Variants in FBXW11 observed in about 807,000 individuals in gnomAD.
The protein encoded by FBXW11 is F-box and WD repeat domain containing 11, also known as F-box/WD repeat-containing protein 11.
Under a neutral mutation model 77.6 loss-of-function variants are expected in FBXW11, and 19 were observed. That is an observed-to-expected ratio of 0.24 (90% CI 0.17 to 0.36). The LOEUF (loss-of-function observed/expected upper bound fraction) is 0.36, where lower values mean the gene tolerates loss of function less well. Ranked by LOEUF, FBXW11 falls within the 10% of genes least tolerant of loss-of-function variation. The pLI is 1.00. For synonymous variants in FBXW11, 235 were observed against 249.4 expected (o/e 0.94, Z 0.54); for missense variants, 334 against 704.2 (o/e 0.47, Z 5.95).
intron 1 of FBXW11, among the ~76,000 whole-genome samples, chr5:171,991,243 CTTAG>C (rs1305178325): frequency 1.3e-5 from 2 of 152,126 alleles, no homozygotes; most frequent in Non-Finnish European, 2.9e-5. Context: ...ACTATCAAAA[CTTAG>C]TTACAGTGGA....
intron 1 of FBXW11, among the ~76,000 whole-genome samples, chr5:171,997,711 C>A (rs576475314): frequency 1.5e-4 from 23 of 152,250 alleles, no homozygotes; most frequent in Middle Eastern, 3.4e-3. Context: ...CTAGGTGACA[C>A]CATTAAATAT....
chr5:171,915,727 A>G (rs1761187519), intron 2 of FBXW11, among the ~76,000 whole-genome samples: 1 of 151,912 alleles, frequency 6.6e-6, no homozygotes, highest in Non-Finnish European at 1.5e-5. Context: ...ACTGCCCTAC[A>G]CAATGCTTAG....
intron 2 of FBXW11, among the ~76,000 whole-genome samples, chr5:171,915,124 C>T (rs1761142536): frequency 6.6e-6 from 1 of 152,166 alleles, no homozygotes; most frequent in Non-Finnish European, 1.5e-5. Context: ...GAAGCTCCCA[C>T]CTAATGGCTA....
chr5:171,990,037 CA>C (rs1383714841), intron 1 of FBXW11, among the ~76,000 whole-genome samples: 5 of 151,144 alleles, frequency 3.3e-5, no homozygotes, highest in Non-Finnish European at 7.4e-5. Flanking sequence ...ATGATGTTTG[CA>C]ACTTACTTTC....
At chr5:171,907,370 A>G (rs1218795098) in intron 4 of FBXW11, among the ~76,000 whole-genome samples, 2 of 152,236 alleles carry the variant, frequency 1.3e-5, no homozygotes, top group Non-Finnish European at 2.9e-5. Flanking sequence ...GATGATGTAC[A>G]GTAAAAATGA....
At chr5:171,874,395 T>G (rs756268914) in intron 9 of FBXW11, among the ~76,000 whole-genome samples, 1 of 152,224 alleles carries the variant, frequency 6.6e-6, no homozygotes, top group Admixed American at 6.5e-5. Context: ...AAATCCTCCA[T>G]GCTGATATTA....
chr5:171,910,840 G>C, intron 3 of FBXW11, 43 bp from the exon 4 acceptor site: 1 of 1,301,294 alleles, frequency 7.7e-7, no homozygotes, highest in Admixed American at 2.4e-5. Flanking sequence ...AACAAGGAAA[G>C]AAACCTAATT....
In FBXW11 at chr5:171,906,008, G is replaced by A. The variant is rs1023387528; in HGVS notation, c.436+4564C>T. ...ATTACAGGAACCAGATGAAAGTCTG[G>A]AAAAACTTCAATAATAAATTAAAAC... is the stretch of plus-strand genomic sequence containing the variant. On this transcript the variant is annotated intron_variant, in intron 4 of 13. Coordinates refer to ENST00000517395, the MANE Select transcript of FBXW11 (RefSeq NM_001378974.1). 2.6e-5 allele frequency among the ~76,000 whole-genome samples: 4 copies of A among 152,202 alleles called. No homozygotes were observed. The East Asian group carries it at 7.7e-4, about 29-fold the overall frequency.
At chr5:171,918,523 T>C (rs1297771343) in intron 2 of FBXW11, among the ~76,000 whole-genome samples, 2 of 152,204 alleles carry the variant, frequency 1.3e-5, no homozygotes, top group Admixed American at 1.3e-4. Context: ...CCAACACTTA[T>C]GAGAAGGAAA....
At chr5:171,903,188 CT>C (rs1760254544) in intron 4 of FBXW11, among the ~76,000 whole-genome samples, 1 of 152,158 alleles carries the variant, frequency 6.6e-6, no homozygotes, top group Non-Finnish European at 1.5e-5. Flanking sequence ...CCTCAAACTC[CT>C]GGGTTCAAGC....
chr5:171,865,605 A>C (rs1303244236), intron 13 of FBXW11, among the ~76,000 whole-genome samples: 1 of 152,246 alleles, frequency 6.6e-6, no homozygotes, highest in Non-Finnish European at 1.5e-5. Context: ...AAAAAGCCTG[A>C]AAGGATCTAT....
intron 1 of FBXW11, among the ~76,000 whole-genome samples, chr5:171,996,226 A>G (rs1281335097): frequency 6.6e-6 from 1 of 152,244 alleles, no homozygotes; most frequent in Non-Finnish European, 1.5e-5. Context: ...TATTTTGACC[A>G]GGTATTAACT....
In FBXW11 at chr5:171,943,876, G is replaced by C. The variant is rs1003229025; in HGVS notation, c.147+13721C>G. ...GCTACTAAATTATACAGAGCAACAG[G>C]CTTGCTAAAGCTTTTCAAAATAAAA... On this transcript the variant is annotated intron_variant, in intron 2 of 13. Transcript: ENST00000517395. 3.9e-5 allele frequency among the ~76,000 whole-genome samples: 6 copies of C among 152,150 alleles called. No homozygotes were observed. In the South Asian group the frequency reaches 1.2e-3, roughly 31 times the overall value.
chr5:171,921,384 A>C (rs934201932), intron 2 of FBXW11, among the ~76,000 whole-genome samples: 8 of 152,198 alleles, frequency 5.3e-5, no homozygotes, highest in Non-Finnish European at 1.2e-4. Flanking sequence ...TAAGTAATTA[A>C]CAGTTAAGAG....
chr5:171,937,339 T>C (rs1316230157), intron 2 of FBXW11, among the ~76,000 whole-genome samples: 1 of 152,140 alleles, frequency 6.6e-6, no homozygotes, highest in Non-Finnish European at 1.5e-5. Flanking sequence ...GCAAGATACT[T>C]TCATAGCACA....
chr5:171,874,782 C>T (rs893569862), intron 9 of FBXW11, among the ~76,000 whole-genome samples: 8 of 146,112 alleles, frequency 5.5e-5, no homozygotes, highest in Admixed American at 1.3e-4. Flanking sequence ...AAAAAAGGGC[C>T]GGGCCTGGTA....
At chr5:171,983,237 A>C (rs1765247967) in intron 1 of FBXW11, among the ~76,000 whole-genome samples, 1 of 152,092 alleles carries the variant, frequency 6.6e-6, no homozygotes, top group Non-Finnish European at 1.5e-5. Flanking sequence ...AGACAGATGA[A>C]CAGGTGGAGG....
At chr5:171,881,688 A>G (rs777389779) in intron 7 of FBXW11, among the ~76,000 whole-genome samples, 1 of 152,222 alleles carries the variant, frequency 6.6e-6, no homozygotes, top group Non-Finnish European at 1.5e-5. Flanking sequence ...GACAGAATTC[A>G]CCAGTAACTC....
chr5:171,968,230 G>T (rs1166050466), intron 1 of FBXW11, among the ~76,000 whole-genome samples: 1 of 152,050 alleles, frequency 6.6e-6, no homozygotes, highest in Non-Finnish European at 1.5e-5. Flanking sequence ...GCCGAGGTGG[G>T]CGGATCACGA....
Sources: gnomAD v4.1 joint callset for allele counts (sites outside exome capture counted in the v4.1 genomes callset) on GRCh38, gnomAD v4.1.1 for gene constraint, MANE v1.5 for transcripts, NCBI Gene and HGNC (gene_info 2026-07-23, HGNC 2026-07-21) for gene names.